ADA2: variants seen among roughly 807,000 people sequenced by gnomAD.
The protein encoded by ADA2 is adenosine deaminase 2, also known as adenosine deaminase CECR1.
A neutral mutation model predicts 44.2 loss-of-function variants in ADA2; 29 were observed. That is an observed-to-expected ratio of 0.66 (90% CI 0.49 to 0.89). The LOEUF is 0.89. ADA2 is among the 40% of genes least tolerant of loss of function. The pLI, the probability that ADA2 is intolerant of heterozygous loss-of-function variation, is 0.00. For synonymous variants in ADA2, 215 were observed against 234.9 expected, an observed-to-expected ratio of 0.92 and a Z score of 0.77; for missense variants, 637 against 644.8, an observed-to-expected ratio of 0.99 and a Z score of 0.13.
At position 17,182,085 on chromosome 22, in the gene ADA2, G is replaced by C. The variant is rs1568966283; in HGVS notation, c.1240-63C>G. 3 of 1,348,962 alleles carry C rather than the reference G, an allele frequency of 2.2e-6. 1 individual carries two copies. In the East Asian group the frequency reaches 6.9e-5, roughly 31 times the overall value. 83.6% of individuals were successfully genotyped at this position (1,348,962 alleles called of 1,614,324 possible). A position where few individuals can be genotyped will look rare whatever the true frequency, so the allele number is the denominator to read the frequency against. On this transcript the variant is annotated intron_variant, in intron 8 of 9. Transcript: ENST00000399837. ...ATCCCTAAAAAGAGTAGTCACAAGT[G>C]AGGTGAGACCTTGAGCCCCATCAGC...
intron 1 of ADA2, among the ~76,000 whole-genome samples, chr22:17,217,479 C>T (rs1220040346): frequency 6.6e-6 from 1 of 152,192 alleles, no homozygotes; most frequent in Non-Finnish European, 1.5e-5. Flanking sequence ...TATTCAGCAT[C>T]TCCTCACACA....
At chr22:17,216,770 AAAC>A (rs2062477541) in intron 1 of ADA2, among the ~76,000 whole-genome samples, 1 of 134,366 alleles carries the variant, frequency 7.4e-6, no homozygotes. Flanking sequence ...AAAAAAAAAA[AAAC>A]ACACACACAC....
chr22:17,201,621 A>T (rs958541591), intron 4 of ADA2, among the ~76,000 whole-genome samples: 10 of 152,072 alleles, frequency 6.6e-5, no homozygotes, highest in Non-Finnish European at 1.5e-4. Context: ...TCACCACATA[A>T]AACACCCAAG....
chr22:17,182,510 TAAG>T (rs1568966590), intron 8 of ADA2, 91 bp downstream of exon 8: 1 of 1,239,572 alleles, frequency 8.1e-7, no homozygotes, highest in Non-Finnish European at 1.2e-6. Flanking sequence ...ACAAGAGAGT[TAAG>T]GAGAGATAAG....
In ADA2 at chr22:17,181,173, G is replaced by A; in HGVS notation, c.*310C>T. ...CAAAAATAAAAAAATAAAGAGACCA[G>A]AATAGAAGAGAGCCCAGGACTGAGT... is the stretch of plus-strand genomic sequence containing the variant. On this transcript the variant is annotated 3_prime_UTR_variant, in exon 10 of 10. Coordinates refer to ENST00000399837, the MANE Select transcript of ADA2 (RefSeq NM_001282225.2). 1 of 266,326 alleles carries A rather than the reference G, an allele frequency of 3.8e-6. No individual in the cohort carries two copies. The allele number at this position is 266,326 out of a possible 1,614,324, so 16.5% of individuals were successfully genotyped here. A position where few individuals can be genotyped will look rare whatever the true frequency, so the allele number is the denominator to read the frequency against.
chr22:17,213,608 CAAAGCT>C, intron 1 of ADA2: 2 of 277,620 alleles, frequency 7.2e-6, no homozygotes, highest in Admixed American at 9.8e-5. Context: ...AGGACAAAGA[CAAAGCT>C]AAACTCCCGG....
intron 4 of ADA2, chr22:17,199,447 C>CCCTCCCCTCCTCTATCCTCTTCCCCTG: frequency 8.9e-7 from 1 of 1,119,270 alleles, no homozygotes; most frequent in Non-Finnish European, 1.4e-6. Flanking sequence ...CTCTTCCCCT[C>CCCTCCCCTCCTCTATCCTCTTCCCCTG]CACCCACGAA....
At chr22:17,185,210 G>A (rs1304509879) in intron 7 of ADA2, among the ~76,000 whole-genome samples, 27 of 150,792 alleles carry the variant, frequency 1.8e-4, no homozygotes, top group African/African-American at 6.6e-4. Context: ...TAGGAGTTCC[G>A]GACCAGCATG....
intron 7 of ADA2, among the ~76,000 whole-genome samples, chr22:17,185,528 T>C (rs1354385198): frequency 6.6e-6 from 1 of 152,214 alleles, no homozygotes; most frequent in African/African-American, 2.4e-5. Context: ...CCATACATCT[T>C]GGAACCTGTT....
intron 6 of ADA2, among the ~76,000 whole-genome samples, chr22:17,189,404 T>A (rs2123641467): frequency 6.6e-6 from 1 of 152,304 alleles, no homozygotes; most frequent in South Asian, 2.1e-4. Flanking sequence ...ACAACACCTA[T>A]GAATGTGTAG....
chr22:17,182,483 G>A (rs2061983394), intron 8 of ADA2, 121 bp downstream of exon 8: 1 of 995,456 alleles, frequency 1.0e-6, no homozygotes, highest in Non-Finnish European at 1.6e-6. Flanking sequence ...GGGTAGGAGA[G>A]TGGAGGGATG....
At chr22:17,207,012 C>G in intron 3 of ADA2, 59 bp downstream of exon 3, 1 of 1,322,112 alleles carries the variant, frequency 7.6e-7, no homozygotes, top group Non-Finnish European at 1.1e-6. Flanking sequence ...AAGGGAGACA[C>G]CTACCCACTG....
intron 4 of ADA2, chr22:17,193,196 A>G: frequency 1.6e-6 from 2 of 1,272,358 alleles, no homozygotes; most frequent in South Asian, 2.4e-5. Flanking sequence ...CCCTGTGCTG[A>G]CATCGCTCAC....
chr22:17,210,080 C>T (rs1381774434), intron 1 of ADA2, among the ~76,000 whole-genome samples: 3 of 151,098 alleles, frequency 2.0e-5, no homozygotes, highest in South Asian at 2.1e-4. Flanking sequence ...TTAGTAGAGA[C>T]GGGGTTTCAC....
At chr22:17,202,135 ATT>A (rs566952207) in intron 4 of ADA2, among the ~76,000 whole-genome samples, 3 of 133,458 alleles carry the variant, frequency 2.2e-5, no homozygotes, top group Non-Finnish European at 1.6e-5. Context: ...ATGCCAGCTA[ATT>A]TTTTTTTTTT....
chr22:17,192,959 G>T (rs2062139297), intron 4 of ADA2: 2 of 606,784 alleles, frequency 3.3e-6, no homozygotes, highest in Admixed American at 2.1e-5. Context: ...GAACCAAAAA[G>T]TTCATCTGGC....
rs768133814 is a variant in ADA2 at position 17,190,011 on chromosome 22, G to A, written c.903C>T (p.Ile301=). ...SDHRSKDVAV[I]AESIRMAMGL... ...CCATGGCCATTCGGATGGATTCTGC[G>A]ATGACAGCCACATCTTTGGATCTGT... Residue 301 remains isoleucine (I), a synonymous_variant, in exon 6 of 10, where the codon ATC becomes ATT. Transcript: ENST00000399837. The A allele has an allele frequency of 2.6e-5, 42 of 1,613,582 alleles. No individual in the cohort carries two copies. Among genetic ancestry groups the A allele is most frequent in the African/African-American group, 1.1e-4 (8 of 74,912 alleles).
At chr22:17,219,848 G>A (rs778577687), upstream of ADA2, among the ~76,000 whole-genome samples, 3 of 151,800 alleles carry the variant, frequency 2.0e-5, no homozygotes, top group Non-Finnish European at 4.4e-5. Flanking sequence ...CTGATTTTTT[G>A]TATTTTTAGT....
rs2061952675 is a variant in ADA2 at position 17,180,134 on chromosome 22, C to T, written c.*1349G>A. ...CAACAGAGCGAGACTCCATCTCAAA[C>T]AAAACAAAACAAACAAACAAAATGT... is the stretch of plus-strand genomic sequence containing the variant. On this transcript the variant is annotated 3_prime_UTR_variant, in exon 10 of 10. Transcript: ENST00000399837. The T allele has an allele frequency of 1.3e-5, 2 of 152,136 alleles. No homozygotes were observed. Among genetic ancestry groups the T allele is most frequent in the Non-Finnish European group, 2.9e-5 (2 of 68,134 alleles). The allele number at this position is 152,136 out of a possible 1,614,324, so 9.4% of individuals were successfully genotyped here. A position where few individuals can be genotyped will look rare whatever the true frequency, so the allele number is the denominator to read the frequency against.
Sources: gnomAD v4.1 joint callset for allele counts (sites outside exome capture counted in the v4.1 genomes callset) on GRCh38, gnomAD v4.1.1 for gene constraint, MANE v1.5 for transcripts, NCBI Gene and HGNC (gene_info 2026-07-23, HGNC 2026-07-21) for gene names.